Variants in HEATR1 observed in about 807,000 individuals in gnomAD.
HEATR1 encodes HEAT repeat-containing protein 1.
A neutral mutation model predicts 248.2 loss-of-function variants in HEATR1; 77 were observed. The ratio of observed to expected loss-of-function variants is 0.31; its 90% CI spans 0.26 to 0.37. The LOEUF is 0.37. Ranked by LOEUF, HEATR1 falls within the 10% of genes least tolerant of loss-of-function variation. The probability of loss-of-function intolerance (pLI) is 1.00; values close to 1 mark genes in which losing one functional copy is unlikely to be tolerated. For synonymous variants in HEATR1, 897 were observed against 923.1 expected (o/e 0.97, Z 0.51); for missense variants, 2,420 against 2,504.9 (o/e 0.97, Z 0.72).
rs775937506 is a variant in HEATR1 at position 236,590,866 on chromosome 1, T to A, written c.1511A>T (p.Lys504Met). 1 of 1,509,504 alleles carries A rather than the reference T, an allele frequency of 6.6e-7. No individual in the cohort carries two copies. The highest frequency in any genetic ancestry group is 1.4e-5 in the African/African-American group (1 of 71,942). 93.5% of individuals were successfully genotyped at this position (1,509,504 alleles called of 1,614,324 possible). The stretch of plus-strand genomic sequence containing the variant: ...ACAAACCTTTGATGTTTTCATGATC[T>A]TTTTCAAATGATTCATGGCCAGAAT... ...VRILAMNHLKKIMKTSKEGVD... is the reference protein window; with the variant it reads ...VRILAMNHLKMIMKTSKEGVD... The change falls in exon 12 of 45, where the codon AAG (lysine) becomes ATG (methionine). Residue 504 changes from lysine (K) to methionine (M), a missense_variant. By Grantham distance (95) the Lys-to-Met change is moderately conservative (BLOSUM62 -1). Coordinates refer to ENST00000366582, the MANE Select transcript of HEATR1 (RefSeq NM_018072.6).
Position 236,555,809 on chromosome 1 carries a change from G to A in HEATR1, c.5645C>T (p.Ser1882Phe), listed in dbSNP as rs113612434. ...GAGGAGTGAACCTGAGCTTACCTCA[G>A]AGTGCTGGGCTCGGAAGTCCAGGGC... is the stretch of plus-strand genomic sequence containing the variant. ...LEALDFRAQH[S>F]ENDLEEVGKT... Residue 1882 changes from serine (S) to phenylalanine (F), a missense_variant, in exon 39 of 45, where the codon TCT becomes TTT. Ser to Phe is a radical substitution (Grantham distance 155). Coordinates refer to ENST00000366582, the MANE Select transcript of HEATR1 (RefSeq NM_018072.6). 8.1e-6 allele frequency: 13 copies of A among 1,614,074 alleles called. No individual in the cohort carries two copies. In the East Asian group the frequency reaches 2.7e-4, roughly 33 times the overall value.
At chr1:236,594,818 G>A (rs1184359560) in intron 8 of HEATR1, among the ~76,000 whole-genome samples, 1 of 151,896 alleles carries the variant, frequency 6.6e-6, no homozygotes, top group Non-Finnish European at 1.5e-5. Flanking sequence ...TTATTTTTGA[G>A]ATAGGGTCTC....
intron 41 of HEATR1, 137 bp downstream of exon 41, chr1:236,555,159 G>C (rs1276539443): frequency 2.4e-6 from 2 of 836,750 alleles, no homozygotes; most frequent in Non-Finnish European, 1.9e-6. Context: ...CAACAATGAA[G>C]TAAAAAATTC....
rs116166233 is a variant in HEATR1, at chr1:236,574,869, T to A, written c.3119A>T (p.Gln1040Leu). ...CTCCTTCTGGATCTTTTCTAGCAGT[T>A]GTTCAGCCATAGGCAATAGCTGAGA... Reference protein sequence around the residue: ...VLSQLLPMAEQLLEKIQKEPT... With the variant: ...VLSQLLPMAELLLEKIQKEPT... The change falls in exon 23 of 45, where the codon CAA becomes CTA. Residue 1040 changes from glutamine (Q) to leucine (L), a missense_variant. Transcript: ENST00000366582. The A allele has an allele frequency of 9.4e-4, 1,514 of 1,613,834 alleles. 13 individuals are homozygous for A. The African/African-American group carries it at 0.015, about 16-fold the overall frequency.
rs1468934355 is a variant in HEATR1, at chr1:236,550,370, T to C, written c.*532A>G. 6.6e-6 allele frequency: 1 copy of C among 152,300 alleles called. No individual in the cohort carries two copies. The highest frequency in any genetic ancestry group is 1.5e-5 in the Non-Finnish European group (1 of 68,102). The allele number at this position is 152,300 out of a possible 1,614,324, so 9.4% of individuals were successfully genotyped here. On this transcript the variant is annotated 3_prime_UTR_variant, in exon 45 of 45. Transcript: ENST00000366582. ...AAAAAAAGCATTCCAGAACCACTTC[T>C]CTTTATGGGCACAACAAAGAAACGA... is the stretch of plus-strand genomic sequence containing the variant.
In HEATR1 at chr1:236,551,119, AT is replaced by A. The variant is rs1572027280; in HGVS notation, c.6347-130del. 9.4e-6 allele frequency: 7 copies of A among 744,020 alleles called. No individual in the cohort carries two copies. The East Asian group carries it at 1.9e-4, about 21-fold the overall frequency. 46.1% of individuals were successfully genotyped at this position (744,020 alleles called of 1,614,324 possible). On this transcript the variant is annotated intron_variant, in intron 44 of 44. Transcript: ENST00000366582. Reference sequence around the variant, plus strand: ...CAATCAAAAGAGTGAAATGAAGCACATTAACAAAGCAGGAGGCGCCACGGAC... The same window carrying A: ...CAATCAAAAGAGTGAAATGAAGCACATAACAAAGCAGGAGGCGCCACGGAC...
chr1:236,581,454 TCAAATAAGCTGGTTC>T (rs1304753024), intron 19 of HEATR1, 40 bp from the exon 20 acceptor site: 5 of 1,372,978 alleles, frequency 3.6e-6, no homozygotes, highest in Non-Finnish European at 4.9e-6. Flanking sequence ...TAATTCTTAC[TCAAATAAGCTGGTTC>T]CAAATCCTCT....
At position 236,566,756 on chromosome 1, in the gene HEATR1, C is replaced by A. The variant is rs748240315; in HGVS notation, c.4198G>T (p.Val1400Phe). 1.2e-6 allele frequency: 2 copies of A among 1,614,132 alleles called. No homozygotes were observed. The highest frequency in any genetic ancestry group is 3.3e-5 in the Admixed American group (2 of 60,026). Residue 1400 changes from valine (V) to phenylalanine (F), a missense_variant, in exon 30 of 45, where the codon GTT becomes TTT. By Grantham distance (50) the Val-to-Phe change is conservative. Transcript: ENST00000366582. The stretch of plus-strand genomic sequence containing the variant: ...GCACCCAGTGTATCAACAAGTTGAA[C>A]AAGGATGGGCAGGCGCCTGTGCTCC... ...VPEHRRLPIL[V>F]QLVDTLGAEK...
intron 29 of HEATR1, 96 bp downstream of exon 29, chr1:236,568,900 A>ACT: frequency 1.4e-5 from 8 of 577,740 alleles, no homozygotes; most frequent in Non-Finnish European, 1.8e-5. Context: ...AAAAAAAACA[A>ACT]AAAAAAAAAA....
At position 236,586,282 on chromosome 1, in the gene HEATR1, C is replaced by T; in HGVS notation, c.1886G>A (p.Gly629Glu). Residue 629 changes from glycine (G) to glutamate (E), a missense_variant, in exon 15 of 45, where the codon GGA (glycine) becomes GAA (glutamate). By Grantham distance (98) the Gly-to-Glu change is moderately conservative. Transcript: ENST00000366582. ...MKIAIYLSKS[G>E]ICSLHPLLRG... ...TAATAGAGGGTGCAGGGAGCAGATT[C>T]CTGATTTTGATAAATATATAGCAAT... The T allele has an allele frequency of 1.9e-6, 3 of 1,613,192 alleles. No individual in the cohort carries two copies. The highest frequency in any genetic ancestry group is 2.5e-6 in the Non-Finnish European group (3 of 1,179,598).
intron 4 of HEATR1, among the ~76,000 whole-genome samples, chr1:236,598,881 A>C (rs751060512): frequency 6.6e-6 from 1 of 152,186 alleles, no homozygotes; most frequent in Non-Finnish European, 1.5e-5. Flanking sequence ...TGTTGCAAAC[A>C]AAGTGCTAAC....
In HEATR1 at chr1:236,574,102, C is replaced by A. The variant is rs938689523; in HGVS notation, c.3459+100G>T. The A allele has an allele frequency of 5.9e-6, 6 of 1,019,946 alleles. No individual in the cohort carries two copies. In the African/African-American group the frequency reaches 1.0e-4, roughly 17 times the overall value. The allele number at this position is 1,019,946 out of a possible 1,614,324, so 63.2% of individuals were successfully genotyped here. Reference sequence around the variant, plus strand: ...ATTTTTGTTAATGGTAACATCTGACCTCTTACAAGCACTATAAAATACAGG... The same window carrying A: ...ATTTTTGTTAATGGTAACATCTGACATCTTACAAGCACTATAAAATACAGG... On this transcript the variant is annotated intron_variant, in intron 24 of 44. Coordinates refer to ENST00000366582, the MANE Select transcript of HEATR1 (RefSeq NM_018072.6).
At chr1:236,559,211 G>T in intron 34 of HEATR1, 76 bp from the exon 35 acceptor site, 1 of 1,133,772 alleles carries the variant, frequency 8.8e-7, no homozygotes, top group Non-Finnish European at 1.2e-6. Flanking sequence ...AAGACAGACT[G>T]CTGTCCACTG....
At chr1:236,602,049 G>T (rs58033549) in intron 3 of HEATR1, among the ~76,000 whole-genome samples, 2,826 of 152,036 alleles carry the variant, frequency 0.019, 41 homozygotes, top group African/African-American at 0.036. Context: ...TGAGGCAGGA[G>T]AATTGCTTGA....
At chr1:236,551,219 C>G (rs1361815889) in intron 44 of HEATR1, 20 of 499,290 alleles carry the variant, frequency 4.0e-5, no homozygotes, top group Admixed American at 3.0e-4. Context: ...AATAAGAATC[C>G]CCAAAACTCA....
In HEATR1 at chr1:236,574,909, G is replaced by C. The variant is rs373712095; in HGVS notation, c.3085-6C>G. The C allele has an allele frequency of 6.2e-7, 1 of 1,611,926 alleles. No homozygotes were observed. The highest frequency in any genetic ancestry group is 8.5e-7 in the Non-Finnish European group (1 of 1,179,168). On this transcript the variant is annotated splice_polypyrimidine_tract_variant and splice_region_variant and intron_variant, in intron 22 of 44. Coordinates refer to ENST00000366582, the MANE Select transcript of HEATR1 (RefSeq NM_018072.6). ...AATAGCTGAGAAAGCACCATCTAAA[G>C]ATCCAAAGACTTAGTAGTAAATAGT... is the stretch of plus-strand genomic sequence containing the variant.
At position 236,598,736 on chromosome 1, in the gene HEATR1, C is replaced by G. The variant is rs187562734; in HGVS notation, c.501+747G>C. ...TGAACACTGACCCCACTACCATCAT[C>G]AGCCTAATGTGCACAGCCTCGTGAT... On this transcript the variant is annotated intron_variant, in intron 4 of 44. Coordinates refer to ENST00000366582, the MANE Select transcript of HEATR1 (RefSeq NM_018072.6). Among the ~76,000 whole-genome samples, 43 of 152,326 alleles carry G rather than the reference C, an allele frequency of 2.8e-4. No individual in the cohort carries two copies. The East Asian group carries it at 7.9e-3, about 28-fold the overall frequency.
intron 29 of HEATR1, among the ~76,000 whole-genome samples, chr1:236,568,131 T>C (rs575881697): frequency 2.0e-5 from 3 of 152,364 alleles, no homozygotes; most frequent in African/African-American, 7.2e-5. Flanking sequence ...CTGCCATCAC[T>C]GAACAAATCC....
intron 44 of HEATR1, chr1:236,551,313 G>A: frequency 3.4e-6 from 1 of 291,002 alleles, no homozygotes; most frequent in Non-Finnish European, 6.4e-6. Flanking sequence ...TACTTTTGTA[G>A]CTTAGATAAG....
Sources: allele counts gnomAD v4.1 joint callset (sites outside exome capture counted in the v4.1 genomes callset), GRCh38; gene constraint gnomAD v4.1.1; transcripts MANE v1.5; gene names NCBI Gene and HGNC (gene_info 2026-07-23, HGNC 2026-07-21).